The following ELMO1 variants were observed in gnomAD, a reference collection of about 807,000 sequenced individuals.
The protein encoded by ELMO1 is engulfment and cell motility protein 1.
In ELMO1, 26 loss-of-function variants were observed where a neutral mutation model predicts 98.9. The ratio of observed to expected loss-of-function variants is 0.26; its 90% CI spans 0.19 to 0.36. The LOEUF is 0.36. ELMO1 is among the 10% of genes least tolerant of loss of function. The probability of loss-of-function intolerance (pLI) is 1.00; values close to 1 mark genes in which losing one functional copy is unlikely to be tolerated. For synonymous variants in ELMO1, 346 were observed against 346.0 expected, an observed-to-expected ratio of 1.00 and a Z score of 0.00; for missense variants, 627 against 935.2, an observed-to-expected ratio of 0.67 and a Z score of 4.30.
At chr7:36,899,577 TA>T (rs1290097432) in intron 16 of ELMO1, among the ~76,000 whole-genome samples, 4 of 152,094 alleles carry the variant, frequency 2.6e-5, no homozygotes, top group African/African-American at 9.7e-5. Context: ...TCTCAGCCTT[TA>T]GAACCCAACA....
In ELMO1 at chr7:37,314,937, C is replaced by A; in HGVS notation, c.120-15G>T. 1 of 1,606,038 alleles carries A rather than the reference C, an allele frequency of 6.2e-7. No homozygotes were observed. Among genetic ancestry groups the A allele is most frequent in the Non-Finnish European group, 8.5e-7 (1 of 1,177,236 alleles). ...CAAGAGACCACCTTAAAAATACAAG[C>A]GTATACTGATTAGAAAAATGAAAGT... On this transcript the variant is annotated splice_polypyrimidine_tract_variant and intron_variant, in intron 3 of 21. Transcript: ENST00000310758.
At chr7:37,389,961 C>A (rs75527279) in intron 1 of ELMO1, among the ~76,000 whole-genome samples, 2,078 of 152,222 alleles carry the variant, frequency 0.014, 45 homozygotes, top group African/African-American at 0.048. Context: ...AATCTCATAG[C>A]CTTCCCTATC....
rs1443577667 is a variant in ELMO1 at position 36,861,719 on chromosome 7, A to G, written c.1923T>C (p.Ala641=). 1.2e-6 allele frequency: 2 copies of G among 1,613,404 alleles called. No individual in the cohort carries two copies. Among genetic ancestry groups the G allele is most frequent in the South Asian group, 2.2e-5 (2 of 91,022 alleles). Residue 641 remains alanine, a synonymous_variant, in exon 21 of 22, where the codon GCT becomes GCC. Transcript: ENST00000310758. ...AGTTTGAGTCATACAAGATGGAGAA[A>G]GCGAGTTCAAGCACCTCCTACAAGA... is the stretch of plus-strand genomic sequence containing the variant. The part of the protein sequence containing the change: ...LKQNKEVLEL[A]FSILYDSNCQ...
intron 1 of ELMO1, among the ~76,000 whole-genome samples, chr7:37,359,464 A>G (rs1801615418): frequency 6.6e-6 from 1 of 152,228 alleles, no homozygotes; most frequent in South Asian, 2.1e-4. Context: ...AAATGACAGT[A>G]ATAGCCAACA....
At chr7:37,386,913 T>A (rs1296453638) in intron 1 of ELMO1, among the ~76,000 whole-genome samples, 1 of 152,218 alleles carries the variant, frequency 6.6e-6, no homozygotes, top group African/African-American at 2.4e-5. Context: ...ATAAAATATT[T>A]GATCTTCACT....
At chr7:37,308,255 C>T (rs1798716417) in intron 4 of ELMO1, among the ~76,000 whole-genome samples, 7 of 152,140 alleles carry the variant, frequency 4.6e-5, no homozygotes, top group Admixed American at 4.6e-4. Context: ...AGGAAGTCTG[C>T]AATCCAATCG....
At chr7:37,382,605 G>T (rs1453636233) in intron 1 of ELMO1, among the ~76,000 whole-genome samples, 2 of 152,108 alleles carry the variant, frequency 1.3e-5, no homozygotes, top group Non-Finnish European at 2.9e-5. Flanking sequence ...AGATGAGACT[G>T]CATCAGGATG....
At chr7:36,903,441 A>G (rs2129060435) in intron 16 of ELMO1, among the ~76,000 whole-genome samples, 1 of 152,374 alleles carries the variant, frequency 6.6e-6, no homozygotes, top group South Asian at 2.1e-4. Flanking sequence ...CCAGTCACAG[A>G]GTAATGATTG....
intron 15 of ELMO1, among the ~76,000 whole-genome samples, chr7:37,053,919 T>C (rs1796256242): frequency 6.6e-6 from 1 of 152,210 alleles, no homozygotes; most frequent in Non-Finnish European, 1.5e-5. Flanking sequence ...TTCAGTCTAC[T>C]AGAACATTAA....
chr7:37,390,456 CT>C (rs967775254), intron 1 of ELMO1, among the ~76,000 whole-genome samples: 4 of 149,736 alleles, frequency 2.7e-5, no homozygotes, highest in Admixed American at 6.6e-5. Flanking sequence ...TACACTCTGC[CT>C]TTTTTTTTTC....
intron 16 of ELMO1, among the ~76,000 whole-genome samples, chr7:36,942,888 GAAGAA>G (rs1194707857): frequency 1.3e-5 from 2 of 152,204 alleles, no homozygotes; most frequent in Non-Finnish European, 2.9e-5. Flanking sequence ...GCAGGAAAGA[GAAGAA>G]AAGATGTCCA....
intron 7 of ELMO1, among the ~76,000 whole-genome samples, chr7:37,234,788 T>C (rs144304816): frequency 1.3e-5 from 2 of 152,320 alleles, no homozygotes; most frequent in African/African-American, 2.4e-5. Context: ...GTGCAGTGAA[T>C]TGTAAGTAGC....
At chr7:36,961,956 C>T (rs183460090) in intron 16 of ELMO1, among the ~76,000 whole-genome samples, 236 of 152,318 alleles carry the variant, frequency 1.5e-3, no homozygotes, top group African/African-American at 5.3e-3. Context: ...GAAAAGCCTT[C>T]ATACCTCAAA....
intron 15 of ELMO1, among the ~76,000 whole-genome samples, chr7:37,059,884 G>T (rs944978565): frequency 2.6e-5 from 4 of 152,346 alleles, no homozygotes; most frequent in Non-Finnish European, 4.4e-5. Context: ...TTGCCCAGGG[G>T]CAGGCACAGA....
intron 1 of ELMO1, among the ~76,000 whole-genome samples, chr7:37,356,025 T>C (rs1801480683): frequency 6.6e-6 from 1 of 152,200 alleles, no homozygotes; most frequent in African/African-American, 2.4e-5. Context: ...CCCCAAAGTA[T>C]GGAGCTTTGG....
intron 2 of ELMO1, among the ~76,000 whole-genome samples, chr7:37,322,247 G>T (rs531037592): frequency 1.2e-3 from 186 of 152,190 alleles, no homozygotes; most frequent in African/African-American, 4.0e-3. Flanking sequence ...GGAGGCCAAG[G>T]CAGGTGGATA....
At position 37,271,085 on chromosome 7, in the gene ELMO1, G is replaced by A. The variant is rs140860047; in HGVS notation, c.243+747C>T. On this transcript the variant is annotated intron_variant, in intron 5 of 21. Transcript: ENST00000310758. ...CTCCCGAGTAGCTGGGACTACAGGC[G>A]TCCACCACCACGCCCGGCTAATTTT... 5.2e-3 allele frequency: 796 copies of A among 152,084 alleles called. 11 individuals carry two copies. The highest frequency in any genetic ancestry group is 8.2e-3 in the Non-Finnish European group (561 of 68,138). 9.4% of individuals were successfully genotyped at this position (152,084 alleles called of 1,614,324 possible).
chr7:37,114,077 T>C (rs1156319165), intron 14 of ELMO1, among the ~76,000 whole-genome samples: 1 of 152,262 alleles, frequency 6.6e-6, no homozygotes, highest in East Asian at 1.9e-4. Context: ...GCCAGAACAC[T>C]GCAGAGCCTT....
chr7:37,292,748 C>G (rs1179959045), intron 4 of ELMO1, among the ~76,000 whole-genome samples: 1 of 100,472 alleles, frequency 1.0e-5, no homozygotes, highest in Non-Finnish European at 2.2e-5. Flanking sequence ...GGGGGGTCAG[C>G]CCCCCGCCCG....
Sources: gnomAD v4.1 joint callset for allele counts (sites outside exome capture counted in the v4.1 genomes callset) on GRCh38, gnomAD v4.1.1 for gene constraint, MANE v1.5 for transcripts, NCBI Gene and HGNC (gene_info 2026-07-23, HGNC 2026-07-21) for gene names.